The following DNM3 variants were observed in gnomAD, a reference collection of about 807,000 sequenced individuals.
DNM3 encodes the protein dynamin-3.
Under a neutral mutation model 101.6 loss-of-function variants are expected in DNM3, and 47 were observed. The observed-to-expected ratio is 0.46, with a 90% CI of 0.37 to 0.59. The LOEUF (loss-of-function observed/expected upper bound fraction) is 0.59, where lower values mean the gene tolerates loss of function less well. Ranked by LOEUF, DNM3 falls within the 20% of genes least tolerant of loss-of-function variation. The pLI, the probability that DNM3 is intolerant of heterozygous loss-of-function variation, is 0.00. For synonymous variants in DNM3, 385 were observed against 387.9 expected, an observed-to-expected ratio of 0.99 and a Z score of 0.09; for missense variants, 849 against 1,085.7, an observed-to-expected ratio of 0.78 and a Z score of 3.06.
chr1:172,202,483 A>G (rs1010557058), intron 14 of DNM3, among the ~76,000 whole-genome samples: 7 of 152,138 alleles, frequency 4.6e-5, no homozygotes, highest in Non-Finnish European at 1.0e-4. Context: ...CAAATATCCT[A>G]CTTATTACCC....
At chr1:172,268,051 C>T (rs900158408) in intron 15 of DNM3, among the ~76,000 whole-genome samples, 1 of 152,064 alleles carries the variant, frequency 6.6e-6, no homozygotes, top group African/African-American at 2.4e-5. Context: ...AGGAGGAGAG[C>T]CAGAAGACAA....
intron 14 of DNM3, among the ~76,000 whole-genome samples, chr1:172,228,635 G>GT (rs988333175): frequency 5.3e-5 from 8 of 151,966 alleles, no homozygotes; most frequent in African/African-American, 1.9e-4. Flanking sequence ...TTGTTCCAAA[G>GT]TTTTTTTGCC....
intron 15 of DNM3, among the ~76,000 whole-genome samples, chr1:172,284,639 A>G (rs2063626725): frequency 6.6e-6 from 1 of 152,198 alleles, no homozygotes; most frequent in Non-Finnish European, 1.5e-5. Context: ...TTTTCATGTA[A>G]TCAGTTACAT....
chr1:172,202,656 A>T (rs1305277781), intron 14 of DNM3, among the ~76,000 whole-genome samples: 1 of 152,178 alleles, frequency 6.6e-6, no homozygotes, highest in Non-Finnish European at 1.5e-5. Context: ...GACTGAAATG[A>T]ACTGAATTTC....
intron 1 of DNM3, among the ~76,000 whole-genome samples, chr1:171,906,152 G>A (rs1403278881): frequency 6.9e-6 from 1 of 145,848 alleles, no homozygotes; most frequent in Non-Finnish European, 1.5e-5. Context: ...TTTTGAGATA[G>A]GGTCTCCTTC....
intron 4 of DNM3, among the ~76,000 whole-genome samples, chr1:172,000,992 A>C (rs1054548427): frequency 6.6e-6 from 1 of 152,080 alleles, no homozygotes; most frequent in African/African-American, 2.4e-5. Context: ...TAGAGATGAG[A>C]TAAATGCAGG....
intron 15 of DNM3, among the ~76,000 whole-genome samples, chr1:172,276,557 ATGTGTGTGTG>A (rs60837783): frequency 1.4e-5 from 2 of 144,262 alleles, no homozygotes; most frequent in Non-Finnish European, 3.0e-5. Flanking sequence ...AAAAATCTTA[ATGTGTGTGTG>A]TGTGTGTGTG....
intron 2 of DNM3, among the ~76,000 whole-genome samples, chr1:171,982,226 A>T (rs1054348062): frequency 3.9e-5 from 6 of 152,226 alleles, no homozygotes; most frequent in Non-Finnish European, 8.8e-5. Flanking sequence ...AGTATACTAT[A>T]GTAGAAGACA....
chr1:172,333,863 T>A lies in DNM3; in HGVS notation c.1893+10523T>A, dbSNP rs546973564. Among the ~76,000 whole-genome samples the A allele has an allele frequency of 1.4e-4, 22 of 152,288 alleles. No homozygotes were observed. In the South Asian group the frequency reaches 4.6e-3, roughly 32 times the overall value. On this transcript the variant is annotated intron_variant, in intron 17 of 20. Coordinates refer to ENST00000627582, the MANE Select transcript of DNM3 (RefSeq NM_015569.5). ...TAATGACAACACACATTCTTCAACA[T>A]AAAATATTATTGACTATGAATTGAA... is the stretch of plus-strand genomic sequence containing the variant.
At chr1:171,901,511 T>A (rs1483191950) in intron 1 of DNM3, among the ~76,000 whole-genome samples, 1 of 152,004 alleles carries the variant, frequency 6.6e-6, no homozygotes, top group African/African-American at 2.4e-5. Flanking sequence ...GCCGCGTGGG[T>A]GAGGGCAGGC....
chr1:172,133,489 A>G, intron 14 of DNM3: 1 of 912,110 alleles, frequency 1.1e-6, no homozygotes, highest in Non-Finnish European at 1.3e-6. Context: ...ATGACCCTTG[A>G]AATAAATGGA....
At chr1:172,167,245 G>A (rs2058780931) in intron 14 of DNM3, among the ~76,000 whole-genome samples, 2 of 152,090 alleles carry the variant, frequency 1.3e-5, no homozygotes, top group Non-Finnish European at 2.9e-5. Context: ...CAAAGGACAT[G>A]CACTCATCCT....
At chr1:172,298,683 G>A (rs73046804) in intron 15 of DNM3, among the ~76,000 whole-genome samples, 221 of 152,142 alleles carry the variant, frequency 1.5e-3, no homozygotes, top group African/African-American at 5.2e-3. Context: ...ACACTCCTAA[G>A]CCATCATCTT....
chr1:172,274,685 T>A (rs2063211569), intron 15 of DNM3, among the ~76,000 whole-genome samples: 1 of 151,574 alleles, frequency 6.6e-6, no homozygotes, highest in African/African-American at 2.4e-5. Context: ...ACCGAGAATT[T>A]CCCTGAAACA....
At chr1:172,322,238 T>C (rs781466905) in intron 16 of DNM3, among the ~76,000 whole-genome samples, 1 of 152,156 alleles carries the variant, frequency 6.6e-6, no homozygotes, top group Admixed American at 6.6e-5. Flanking sequence ...AAATGCCAAA[T>C]CTACAGCCAG....
chr1:172,180,568 C>A (rs1445687541), intron 14 of DNM3, among the ~76,000 whole-genome samples: 1 of 152,048 alleles, frequency 6.6e-6, no homozygotes, highest in Non-Finnish European at 1.5e-5. Flanking sequence ...TAAAACTTCT[C>A]AACATATAGC....
intron 16 of DNM3, among the ~76,000 whole-genome samples, chr1:172,317,744 T>A (rs1327040196): frequency 6.6e-6 from 1 of 152,158 alleles, no homozygotes; most frequent in Non-Finnish European, 1.5e-5. Context: ...GTGGCAATAA[T>A]CAATAGCTTA....
chr1:172,243,787 A>G (rs982669802), intron 14 of DNM3, among the ~76,000 whole-genome samples: 7 of 152,210 alleles, frequency 4.6e-5, no homozygotes, highest in African/African-American at 1.7e-4. Flanking sequence ...GATTAAAGCA[A>G]GGAATTAAAA....
At chr1:171,966,181 G>A (rs901848235) in intron 2 of DNM3, among the ~76,000 whole-genome samples, 4 of 152,142 alleles carry the variant, frequency 2.6e-5, no homozygotes, top group Non-Finnish European at 5.9e-5. Flanking sequence ...CTTTTCCCAC[G>A]TGGCCCACAT....
Sources: gnomAD v4.1 joint callset for allele counts (sites outside exome capture counted in the v4.1 genomes callset) on GRCh38, gnomAD v4.1.1 for gene constraint, MANE v1.5 for transcripts, NCBI Gene and HGNC (gene_info 2026-07-23, HGNC 2026-07-21) for gene names.